Variants in KCNIP4 observed in about 807,000 individuals in gnomAD.
KCNIP4 encodes the protein Kv channel-interacting protein 4.
KCNIP4 carries 12 observed loss-of-function variants against 34.0 expected under a neutral mutation model. The observed-to-expected ratio is 0.35, with a 90% CI of 0.23 to 0.57. The LOEUF is 0.57. Among genes scored for constraint, KCNIP4 ranks in the 20% least tolerant of loss-of-function variants. KCNIP4 has a pLI of 0.83. For missense variants in KCNIP4, 238 were observed against 311.7 expected (o/e 0.76, Z 1.78); for synonymous variants, 124 against 102.2 (o/e 1.21, Z -1.29).
At chr4:21,034,721 C>T in intron 1 of KCNIP4, among the ~76,000 whole-genome samples, 1 of 152,318 alleles carries the variant, frequency 6.6e-6, no homozygotes, top group African/African-American at 2.4e-5. Context: ...GTGGAGATTA[C>T]ATGCCAGGGA....
intron 1 of KCNIP4, among the ~76,000 whole-genome samples, chr4:21,557,800 T>G (rs985864488): frequency 6.6e-6 from 1 of 152,172 alleles, no homozygotes. Context: ...CATAGGCCAC[T>G]GGCACTGGGA....
intron 1 of KCNIP4, among the ~76,000 whole-genome samples, chr4:21,347,585 A>C (rs1026831734): frequency 7.9e-5 from 12 of 152,222 alleles, no homozygotes; most frequent in African/African-American, 2.9e-4. Context: ...GGATCAACAC[A>C]GTGAGTTACT....
chr4:21,870,360 G>C (rs756537485), intron 1 of KCNIP4, among the ~76,000 whole-genome samples: 4 of 152,250 alleles, frequency 2.6e-5, no homozygotes, highest in Middle Eastern at 3.4e-3. Flanking sequence ...TCTGCCTTGT[G>C]GGGGCTAGGG....
intron 1 of KCNIP4, among the ~76,000 whole-genome samples, chr4:21,792,362 AT>A (rs1720352591): frequency 6.6e-6 from 1 of 152,186 alleles, no homozygotes; most frequent in South Asian, 2.1e-4. Context: ...TGTGATGTTA[AT>A]TTTTATATTA....
chr4:21,111,670 A>G (rs2109103972), intron 1 of KCNIP4, among the ~76,000 whole-genome samples: 1 of 152,340 alleles, frequency 6.6e-6, no homozygotes, highest in Non-Finnish European at 1.5e-5. Context: ...CCATCATGGG[A>G]TCAGGAGTAG....
intron 3 of KCNIP4, among the ~76,000 whole-genome samples, chr4:20,844,163 C>T (rs866885746): frequency 1.3e-5 from 2 of 152,080 alleles, no homozygotes; most frequent in African/African-American, 2.4e-5. Flanking sequence ...GAAATGGCAG[C>T]GGTAAGGTTT....
chr4:20,943,582 G>T (rs116670265), intron 1 of KCNIP4, among the ~76,000 whole-genome samples: 1,575 of 152,280 alleles, frequency 0.01, 33 homozygotes, highest in African/African-American at 0.036. Flanking sequence ...TCCCAGGATG[G>T]ATGGCTAACC....
chr4:21,678,305 ATTTTT>A (rs59561334), intron 1 of KCNIP4, among the ~76,000 whole-genome samples: 34 of 117,586 alleles, frequency 2.9e-4, no homozygotes, highest in African/African-American at 1.0e-3. Flanking sequence ...TCTTCTTTTG[ATTTTT>A]TTTTTTTTTT....
At chr4:21,568,731 C>A (rs1740113881) in intron 1 of KCNIP4, among the ~76,000 whole-genome samples, 1 of 152,118 alleles carries the variant, frequency 6.6e-6, no homozygotes. Context: ...GAAGACTGCA[C>A]TATGGGCTTC....
intron 1 of KCNIP4, among the ~76,000 whole-genome samples, chr4:21,488,951 C>T (rs896664201): frequency 2.0e-5 from 3 of 152,022 alleles, no homozygotes; most frequent in African/African-American, 4.8e-5. Flanking sequence ...GAGGAAATGT[C>T]TAAGCATGTA....
At chr4:21,308,329 A>G (rs1712717882) in intron 1 of KCNIP4, among the ~76,000 whole-genome samples, 1 of 152,202 alleles carries the variant, frequency 6.6e-6, no homozygotes, top group Non-Finnish European at 1.5e-5. Flanking sequence ...TTTCTAAATG[A>G]TACTTAATCT....
At chr4:21,936,750 T>C (rs1240875887) in intron 1 of KCNIP4, among the ~76,000 whole-genome samples, 1 of 152,142 alleles carries the variant, frequency 6.6e-6, no homozygotes, top group Non-Finnish European at 1.5e-5. Context: ...CACCTTCCAT[T>C]AATGTTCTGC....
At chr4:21,650,626 G>A (rs2108969283) in intron 1 of KCNIP4, among the ~76,000 whole-genome samples, 1 of 152,194 alleles carries the variant, frequency 6.6e-6, no homozygotes, top group Admixed American at 6.6e-5. Context: ...ATAAAATAGA[G>A]AGCCAAAGGA....
At chr4:20,987,900 C>T (rs1237465528) in intron 1 of KCNIP4, among the ~76,000 whole-genome samples, 2 of 148,142 alleles carry the variant, frequency 1.4e-5, no homozygotes, top group East Asian at 4.0e-4. Flanking sequence ...ATTCGGGAGG[C>T]TGAGGCAGGA....
chr4:21,014,239 C>G (rs1404480845), intron 1 of KCNIP4, among the ~76,000 whole-genome samples: 1 of 152,152 alleles, frequency 6.6e-6, no homozygotes, highest in African/African-American at 2.4e-5. Flanking sequence ...TACTACAAGA[C>G]CACCACATGC....
Position 21,250,283 on chromosome 4 carries a change from T to A in KCNIP4, c.62-367574A>T, listed in dbSNP as rs188050849. 4.6e-5 allele frequency among the ~76,000 whole-genome samples: 7 copies of A among 151,476 alleles called. No homozygotes were observed. The East Asian group carries it at 1.4e-3, about 29-fold the overall frequency. Reference sequence around the variant, plus strand: ...TTGCTGATAACCATAATAAAAATAATGCAGAAATTCTCCAGACTTGGAAAG... The same window carrying A: ...TTGCTGATAACCATAATAAAAATAAAGCAGAAATTCTCCAGACTTGGAAAG... On this transcript the variant is annotated intron_variant, in intron 1 of 8. Coordinates refer to ENST00000382152, the MANE Select transcript of KCNIP4 (RefSeq NM_025221.6).
At chr4:21,487,458 G>A (rs1357631375) in intron 1 of KCNIP4, among the ~76,000 whole-genome samples, 1 of 152,052 alleles carries the variant, frequency 6.6e-6, no homozygotes, top group Non-Finnish European at 1.5e-5. Context: ...CTTCCTGTCT[G>A]GGGTAGTGTT....
intron 1 of KCNIP4, among the ~76,000 whole-genome samples, chr4:21,638,567 C>A (rs560582124): frequency 1.3e-5 from 2 of 152,238 alleles, no homozygotes; most frequent in East Asian, 3.9e-4. Flanking sequence ...GGCAACCTCC[C>A]GTGTAAATGC....
chr4:21,158,574 T>C (rs1753333907), intron 1 of KCNIP4, among the ~76,000 whole-genome samples: 1 of 152,242 alleles, frequency 6.6e-6, no homozygotes, highest in Middle Eastern at 3.4e-3. Context: ...AAAAAGAATT[T>C]GACAAAACTG....
Sources: allele counts gnomAD v4.1 joint callset (sites outside exome capture counted in the v4.1 genomes callset), GRCh38; gene constraint gnomAD v4.1.1; transcripts MANE v1.5; gene names NCBI Gene and HGNC (gene_info 2026-07-23, HGNC 2026-07-21).